DAB1: variants seen among roughly 807,000 people sequenced by gnomAD.
DAB1 encodes the protein DAB adaptor protein 1.
Under a neutral mutation model 64.6 loss-of-function variants are expected in DAB1, and 15 were observed. The ratio of observed to expected loss-of-function variants is 0.23; its 90% CI spans 0.16 to 0.36. The LOEUF is 0.36. Ranked by LOEUF, DAB1 falls within the 10% of genes least tolerant of loss-of-function variation. The pLI is 1.00. For missense variants in DAB1, 596 were observed against 706.7 expected (o/e 0.84, Z 1.78); for synonymous variants, 235 against 251.9 (o/e 0.93, Z 0.64).
chr1:57,597,305 T>C (rs2101579751), intron 7 of DAB1, among the ~76,000 whole-genome samples: 1 of 152,318 alleles, frequency 6.6e-6, no homozygotes, highest in African/African-American at 2.4e-5. Flanking sequence ...TGAAATCTCT[T>C]GCAGAAAAAT....
At chr1:58,205,443 T>C (rs938126383) in intron 4 of DAB1, among the ~76,000 whole-genome samples, 2 of 152,230 alleles carry the variant, frequency 1.3e-5, no homozygotes, top group South Asian at 2.1e-4. Flanking sequence ...TCAAACCACA[T>C]GTGTCCCTGA....
intron 7 of DAB1, among the ~76,000 whole-genome samples, chr1:57,582,505 A>G (rs562452063): frequency 6.6e-6 from 1 of 152,330 alleles, no homozygotes; most frequent in East Asian, 1.9e-4. Context: ...TCACTTCCCA[A>G]AGACATTTCC....
At chr1:58,400,938 G>T (rs1397056863) in intron 3 of DAB1, among the ~76,000 whole-genome samples, 1 of 152,090 alleles carries the variant, frequency 6.6e-6, no homozygotes, top group East Asian at 1.9e-4. Flanking sequence ...CAAAATAAAG[G>T]AACAAGGACT....
intron 5 of DAB1, among the ~76,000 whole-genome samples, chr1:58,009,925 G>T (rs1206521809): frequency 3.3e-5 from 5 of 152,122 alleles, no homozygotes; most frequent in African/African-American, 7.2e-5. Context: ...TAAATGCTTG[G>T]TTTTTATCAA....
intron 3 of DAB1, among the ~76,000 whole-genome samples, chr1:58,347,067 G>C (rs1241852888): frequency 6.7e-6 from 1 of 148,946 alleles, no homozygotes; most frequent in Non-Finnish European, 1.5e-5. Flanking sequence ...TAAAGCATAA[G>C]AAATGATTAT....
intron 4 of DAB1, among the ~76,000 whole-genome samples, chr1:57,073,276 G>A (rs1220379274): frequency 6.6e-6 from 1 of 152,136 alleles, no homozygotes; most frequent in African/African-American, 2.4e-5. Context: ...TTCCTTGTCT[G>A]TCTTTCCCAC....
intron 9 of DAB1, among the ~76,000 whole-genome samples, chr1:57,035,731 G>GTGCAAAGT (rs1647120725): frequency 6.6e-6 from 1 of 151,328 alleles, no homozygotes; most frequent in African/African-American, 2.4e-5. Flanking sequence ...TGAGATGTGT[G>GTGCAAAGT]TGCAAAGTCT....
At chr1:58,312,680 C>A (rs1662457449) in intron 4 of DAB1, among the ~76,000 whole-genome samples, 1 of 152,132 alleles carries the variant, frequency 6.6e-6, no homozygotes, top group Non-Finnish European at 1.5e-5. Context: ...AAGGGACAAG[C>A]TCAGTATGTG....
chr1:57,187,071 C>T (rs186446591), intron 2 of DAB1, among the ~76,000 whole-genome samples: 158 of 152,306 alleles, frequency 1.0e-3, no homozygotes, highest in African/African-American at 3.7e-3. Context: ...TAAAGTAGTA[C>T]TAAAACTTCA....
At chr1:58,051,904 T>C (rs927879241) in intron 5 of DAB1, among the ~76,000 whole-genome samples, 2 of 152,204 alleles carry the variant, frequency 1.3e-5, no homozygotes, top group South Asian at 2.1e-4. Flanking sequence ...TGTTTTTTTC[T>C]TGTAAATTTG....
intron 5 of DAB1, among the ~76,000 whole-genome samples, chr1:58,103,677 G>A (rs553741760): frequency 6.6e-6 from 1 of 152,202 alleles, no homozygotes; most frequent in South Asian, 2.1e-4. Context: ...ATTGCATTGA[G>A]TATTAACTTA....
chr1:57,464,303 G>C (rs1686885120), intron 7 of DAB1, among the ~76,000 whole-genome samples: 1 of 152,050 alleles, frequency 6.6e-6, no homozygotes, highest in Admixed American at 6.6e-5. Context: ...CTTAGAAAAC[G>C]ATGCCTCCTT....
intron 4 of DAB1, among the ~76,000 whole-genome samples, chr1:58,323,924 CAAAA>C (rs11432020): frequency 1.2e-5 from 1 of 80,106 alleles, no homozygotes; most frequent in Admixed American, 1.4e-4. Flanking sequence ...GACTCCATCT[CAAAA>C]AAAAAAAAAA....
chr1:58,128,625 C>T (rs1401049721), intron 5 of DAB1, among the ~76,000 whole-genome samples: 7 of 124,918 alleles, frequency 5.6e-5, no homozygotes, highest in African/African-American at 1.2e-4. Flanking sequence ...TTTTTAAATA[C>T]GTCCCATCAA....
intron 4 of DAB1, among the ~76,000 whole-genome samples, chr1:58,292,760 C>T (rs1661877794): frequency 6.6e-6 from 1 of 152,160 alleles, no homozygotes; most frequent in South Asian, 2.1e-4. Context: ...CCCAGAGATA[C>T]ATGCAAAGAT....
chr1:57,072,815 A>G (rs1651628227), intron 4 of DAB1, among the ~76,000 whole-genome samples: 2 of 152,208 alleles, frequency 1.3e-5, no homozygotes, highest in South Asian at 4.1e-4. Flanking sequence ...GAGGAGCTAC[A>G]CTACACAACT....
chr1:58,183,136 C>A (rs1399573782), intron 4 of DAB1, among the ~76,000 whole-genome samples: 1 of 151,984 alleles, frequency 6.6e-6, no homozygotes, highest in Non-Finnish European at 1.5e-5. Flanking sequence ...GTGTAGTGAT[C>A]ATGTTGAGTG....
At chr1:58,327,880 G>A (rs1009830494) in intron 4 of DAB1, among the ~76,000 whole-genome samples, 7 of 152,164 alleles carry the variant, frequency 4.6e-5, no homozygotes, top group African/African-American at 1.4e-4. Context: ...ACATTTGTTA[G>A]CTCTCATAGT....
chr1:57,145,420 C>G lies in DAB1; in HGVS notation c.77G>C (p.Arg26Pro), dbSNP rs559018567. 1 of 1,613,758 alleles carries G rather than the reference C, an allele frequency of 6.2e-7. No individual in the cohort carries two copies. Among genetic ancestry groups the G allele is most frequent in the Non-Finnish European group, 8.5e-7 (1 of 1,179,872 alleles). Residue 26 changes from arginine to proline, a missense_variant, in exon 3 of 15, where the codon CGC becomes CCC. Transcript: ENST00000371236. ...KKDSRKKGQDRSEATLIKRFK... is the reference protein window; with the variant it reads ...KKDSRKKGQDPSEATLIKRFK... Reference sequence around the variant, plus strand: ...CCTCTTTATCAAAGTGGCTTCACTGCGATCCTGACCTAAAAAGAGAAAAAG... The same window carrying G: ...CCTCTTTATCAAAGTGGCTTCACTGGGATCCTGACCTAAAAAGAGAAAAAG...
Sources: allele counts gnomAD v4.1 joint callset (sites outside exome capture counted in the v4.1 genomes callset), GRCh38; gene constraint gnomAD v4.1.1; transcripts MANE v1.5; gene names NCBI Gene and HGNC (gene_info 2026-07-23, HGNC 2026-07-21).